PCNX2: variants seen among roughly 807,000 people sequenced by gnomAD.
The protein encoded by PCNX2 is pecanex-like protein 2.
In PCNX2, 168 loss-of-function variants were observed where a neutral mutation model predicts 223.8. That is an observed-to-expected ratio of 0.75 (90% confidence interval 0.66 to 0.85). PCNX2 has a LOEUF of 0.85. Among genes scored for constraint, PCNX2 ranks in the 40% least tolerant of loss-of-function variants. The pLI, the probability that PCNX2 is intolerant of heterozygous loss-of-function variation, is 0.00. For synonymous variants in PCNX2, 1,006 were observed against 1,052.6 expected, an observed-to-expected ratio of 0.96 and a Z score of 0.86; for missense variants, 2,507 against 2,675.5, an observed-to-expected ratio of 0.94 and a Z score of 1.39.
At chr1:233,093,034 C>T (rs1046100266) in intron 22 of PCNX2, among the ~76,000 whole-genome samples, 3 of 152,152 alleles carry the variant, frequency 2.0e-5, no homozygotes, top group South Asian at 4.1e-4. Context: ...CTCCTGACCT[C>T]ATGATCTGCC....
chr1:233,324,828 A>G, the PCNX2 span, among the ~76,000 whole-genome samples: 1 of 152,164 alleles, frequency 6.6e-6, no homozygotes, highest in Non-Finnish European at 1.5e-5. Flanking sequence ...ACCTCAGGTG[A>G]TCTGCCCACC....
intron 25 of PCNX2, among the ~76,000 whole-genome samples, chr1:233,037,212 A>T (rs1671483973): frequency 6.6e-6 from 1 of 152,224 alleles, no homozygotes; most frequent in African/African-American, 2.4e-5. Context: ...CAAAACAACG[A>T]ATAGGATCGG....
At chr1:233,121,412 T>TG (rs1675784994) in intron 21 of PCNX2, among the ~76,000 whole-genome samples, 3 of 152,132 alleles carry the variant, frequency 2.0e-5, no homozygotes, top group African/African-American at 4.8e-5. Flanking sequence ...AAAACAAAGT[T>TG]GGAAAAATCA....
intron 1 of PCNX2, among the ~76,000 whole-genome samples, chr1:233,279,672 T>C (rs150516293): frequency 2.2e-4 from 34 of 152,288 alleles, no homozygotes; most frequent in African/African-American, 8.2e-4. Flanking sequence ...GAAATCCTTA[T>C]TCCTAAATAT....
Position 233,139,231 on chromosome 1 carries a change from GTC to G in PCNX2, c.3659+481_3659+482del, listed in dbSNP as rs1676970044. On this transcript the variant is annotated intron_variant, in intron 20 of 33. Coordinates refer to ENST00000258229, the MANE Select transcript of PCNX2 (RefSeq NM_014801.4). This position sits in a 1 kb window ranked among gnomAD's most constrained non-coding sequence, Gnocchi z 4.4. ...GACATGGGCATCTTGACAGAATGAA[GTC>G]TCTGTGCCAGTTTTTAAATTACGAG... Among the ~76,000 whole-genome samples the G allele has an allele frequency of 6.6e-6, 1 of 152,302 alleles. No individual in the cohort carries two copies. Among genetic ancestry groups the G allele is most frequent in the African/African-American group, 2.4e-5 (1 of 41,568 alleles).
At chr1:233,085,573 C>T (rs1045442342) in intron 23 of PCNX2, among the ~76,000 whole-genome samples, 1 of 152,096 alleles carries the variant, frequency 6.6e-6, no homozygotes, top group Admixed American at 6.5e-5. Flanking sequence ...AATATAATTC[C>T]CCTTTCTCTG....
chr1:233,095,812 A>G lies in PCNX2; in HGVS notation c.3889T>C (p.Trp1297Arg). Residue 1297 changes from tryptophan (W) to arginine (R), a missense_variant, in exon 22 of 34, where the codon TGG becomes CGG. Trp to Arg is a moderately radical substitution (Grantham distance 101). Around this residue, in one of 3 missense-constraint regions of PCNX2, gnomAD observed 1,372 missense variants for 1,509.4 expected, o/e 0.91. Coordinates refer to ENST00000258229, the MANE Select transcript of PCNX2 (RefSeq NM_014801.4). Reference protein sequence around the residue: ...LQFVLTYVAPWQMAWGSSFHV... With the variant: ...LQFVLTYVAPRQMAWGSSFHV... ...AACGAAGAACCCCAAGCCATCTGCC[A>G]AGGAGCCACATATGTCAGGACGAAC... is the stretch of plus-strand genomic sequence containing the variant. 1 of 1,613,002 alleles carries G rather than the reference A, an allele frequency of 6.2e-7. No individual in the cohort carries two copies. Among genetic ancestry groups the G allele is most frequent in the Non-Finnish European group, 8.5e-7 (1 of 1,179,506 alleles).
chr1:233,272,846 C>T (rs995597557), intron 1 of PCNX2, among the ~76,000 whole-genome samples: 6 of 152,116 alleles, frequency 3.9e-5, no homozygotes, highest in Non-Finnish European at 7.3e-5. Context: ...GCATTCACAG[C>T]AACCTGGATG....
In PCNX2 at chr1:233,025,073, G is replaced by A. The variant is rs775025380; in HGVS notation, c.4605+73C>T. The A allele has an allele frequency of 1.2e-4, 194 of 1,569,998 alleles. 1 individual carries two copies. The highest frequency in any genetic ancestry group is 3.3e-4 in the Admixed American group (19 of 58,272). ...TGACAGGCTTCAAAATTTAGCTTTC[G>A]ACAGAGCTCTTTCGGAGCTTCCTGT... On this transcript the variant is annotated intron_variant, in intron 26 of 33. Coordinates refer to ENST00000258229, the MANE Select transcript of PCNX2 (RefSeq NM_014801.4).
intron 13 of PCNX2, among the ~76,000 whole-genome samples, chr1:233,202,613 T>TA (rs1389625381): frequency 1.3e-5 from 2 of 152,194 alleles, no homozygotes; most frequent in Non-Finnish European, 2.9e-5. Context: ...GGCCAAGAAA[T>TA]GAGCCTTTAA....
chr1:233,191,808 G>A (rs930560741), intron 15 of PCNX2, among the ~76,000 whole-genome samples: 6 of 152,198 alleles, frequency 3.9e-5, no homozygotes, highest in African/African-American at 9.6e-5. Flanking sequence ...GGCCTTGCAC[G>A]TCTGTGGATG....
intron 19 of PCNX2, among the ~76,000 whole-genome samples, chr1:233,151,592 C>A (rs866631932): frequency 1.3e-5 from 2 of 152,248 alleles, no homozygotes; most frequent in South Asian, 4.2e-4. Context: ...GGATAAACAC[C>A]CTGTGGCTTG....
chr1:233,210,203 CTGCTT>C (rs1681741078), intron 12 of PCNX2, among the ~76,000 whole-genome samples: 1 of 152,186 alleles, frequency 6.6e-6, no homozygotes, highest in African/African-American at 2.4e-5. Context: ...CACCATGTTA[CTGCTT>C]TACCACATTT....
chr1:233,156,285 T>C (rs1678119163), intron 19 of PCNX2, among the ~76,000 whole-genome samples: 1 of 152,216 alleles, frequency 6.6e-6, no homozygotes, highest in African/African-American at 2.4e-5. Flanking sequence ...TTATTCGTTA[T>C]CTCCACATTC....
intron 22 of PCNX2, among the ~76,000 whole-genome samples, chr1:233,094,817 A>C (rs993917379): frequency 6.6e-6 from 1 of 152,208 alleles, no homozygotes; most frequent in African/African-American, 2.4e-5. Context: ...CACTGATGGC[A>C]TAAGAATCAC....
At chr1:233,244,014 A>G (rs980934407) in intron 8 of PCNX2, among the ~76,000 whole-genome samples, 6 of 152,054 alleles carry the variant, frequency 3.9e-5, no homozygotes, top group Non-Finnish European at 7.4e-5. Context: ...TATTTTTAGT[A>G]GAGACGGGGT....
chr1:233,271,492 G>A (rs1054805107), intron 1 of PCNX2, among the ~76,000 whole-genome samples: 3 of 151,978 alleles, frequency 2.0e-5, no homozygotes, highest in Admixed American at 2.0e-4. Context: ...AGAAAATGAC[G>A]AGTGTCATGA....
intron 25 of PCNX2, among the ~76,000 whole-genome samples, chr1:233,049,862 G>GACACACAC (rs59343612): frequency 2.0e-5 from 3 of 149,192 alleles, no homozygotes; most frequent in Non-Finnish European, 3.0e-5. Flanking sequence ...ATTTACAATA[G>GACACACAC]ACACACACAC....
At chr1:233,217,803 A>G (rs1323638113) in intron 12 of PCNX2, 96 bp downstream of exon 12, 23 of 1,282,152 alleles carry the variant, frequency 1.8e-5, no homozygotes, top group South Asian at 1.7e-4. Flanking sequence ...ATAGAGAGCT[A>G]GGTACAGACT....
Sources: allele counts gnomAD v4.1 joint callset (sites outside exome capture counted in the v4.1 genomes callset), GRCh38; gene constraint gnomAD v4.1.1; regional missense constraint gnomAD v4.1.1; non-coding constraint Gnocchi (gnomAD v3.1); transcripts MANE v1.5; gene names NCBI Gene and HGNC (gene_info 2026-07-23, HGNC 2026-07-21).